EFR3A: variants seen among roughly 807,000 people sequenced by gnomAD.
The protein encoded by EFR3A is EFR3 homolog A, also known as protein EFR3 homolog A.
EFR3A carries 76 observed loss-of-function variants against 104.4 expected under a neutral mutation model. That is an observed-to-expected ratio of 0.73 (90% confidence interval 0.60 to 0.88). EFR3A has a LOEUF of 0.88. EFR3A is among the 40% of genes least tolerant of loss of function. EFR3A has a pLI of 0.00. For missense variants in EFR3A, 985 were observed against 1,012.5 expected (o/e 0.97, Z 0.37); for synonymous variants, 330 against 330.0 (o/e 1.00, Z 0.00).
At chr8:131,975,978 G>A in intron 10 of EFR3A, 49 bp from the exon 11 acceptor site, 1 of 1,182,576 alleles carries the variant, frequency 8.5e-7, no homozygotes, top group East Asian at 2.5e-5. Flanking sequence ...GTATTATATG[G>A]AAAAGTAGAC....
intron 10 of EFR3A, among the ~76,000 whole-genome samples, chr8:131,973,853 C>G (rs928666506): frequency 4.6e-5 from 7 of 151,910 alleles, no homozygotes. Flanking sequence ...CTTTTGGTGA[C>G]TTTATCCTTA....
chr8:131,946,458 G>GA, intron 3 of EFR3A, 25 bp from the exon 4 acceptor site: 1 of 1,519,484 alleles, frequency 6.6e-7, no homozygotes, highest in South Asian at 1.3e-5. Context: ...GAAATGCTTT[G>GA]ACATTCTTTT....
intron 4 of EFR3A, among the ~76,000 whole-genome samples, chr8:131,948,505 T>C (rs1275590577): frequency 6.6e-6 from 1 of 152,152 alleles, no homozygotes; most frequent in Admixed American, 6.6e-5. Context: ...ATATTGGGTA[T>C]TTCCAAGTGC....
intron 1 of EFR3A, chr8:131,940,233 G>A (rs16904554): frequency 0.18 from 72,745 of 409,066 alleles, 7,705 homozygotes; most frequent in East Asian, 0.36. Context: ...AAGGGGGCAC[G>A]GATGATGTTT....
At chr8:131,968,260 T>A (rs940238968) in intron 8 of EFR3A, 35 bp from the exon 9 acceptor site, 2 of 1,598,712 alleles carry the variant, frequency 1.3e-6, no homozygotes, top group African/African-American at 1.3e-5. Flanking sequence ...TACATGTACT[T>A]TTTATACATC....
At chr8:131,958,321 C>T (rs575005351) in intron 7 of EFR3A, among the ~76,000 whole-genome samples, 3 of 152,232 alleles carry the variant, frequency 2.0e-5, no homozygotes, top group African/African-American at 7.2e-5. Context: ...AATTATAAGG[C>T]AAACTACCCA....
intron 1 of EFR3A, among the ~76,000 whole-genome samples, chr8:131,925,960 T>C (rs1339668676): frequency 6.6e-6 from 1 of 152,122 alleles, no homozygotes; most frequent in Non-Finnish European, 1.5e-5. Flanking sequence ...TTAATGTTAT[T>C]ATTTTTTTTT....
intron 5 of EFR3A, 66 bp downstream of exon 5, chr8:131,950,156 T>TAC: frequency 7.0e-7 from 1 of 1,437,000 alleles, no homozygotes; most frequent in Non-Finnish European, 9.4e-7. Context: ...GTTCATATGT[T>TAC]ACATAATGAT....
intron 22 of EFR3A, among the ~76,000 whole-genome samples, chr8:132,008,135 A>C (rs6993606): frequency 0.43 from 64,716 of 151,832 alleles, 14,126 homozygotes; most frequent in Middle Eastern, 0.56. Context: ...CTCCAGTAAG[A>C]AAATGAAAAG....
At chr8:131,941,736 A>T (rs141412923) in intron 2 of EFR3A, among the ~76,000 whole-genome samples, 12 of 152,238 alleles carry the variant, frequency 7.9e-5, no homozygotes, top group Admixed American at 6.6e-4. Context: ...TCCGGGAAGC[A>T]TTCACAGAGG....
intron 1 of EFR3A, among the ~76,000 whole-genome samples, chr8:131,916,278 G>C (rs912069428): frequency 6.6e-6 from 1 of 152,240 alleles, no homozygotes; most frequent in African/African-American, 2.4e-5. Context: ...GACTTGGATG[G>C]TGGTTGTAGG....
chr8:131,963,397 C>T lies in EFR3A; in HGVS notation c.855+3734C>T, dbSNP rs1477389679. ...AAAATGATAAAGGGGATATCACCAC[C>T]GATCCCACAGAAATACAAACTACCA... On this transcript the variant is annotated intron_variant, in intron 8 of 22. Transcript: ENST00000254624. Among the ~76,000 whole-genome samples, 11 of 152,046 alleles carry T rather than the reference C, an allele frequency of 7.2e-5. No homozygotes were observed. In the South Asian group the frequency reaches 8.3e-4, roughly 11 times the overall value.
At chr8:131,952,551 C>T in intron 5 of EFR3A, among the ~76,000 whole-genome samples, 1 of 152,112 alleles carries the variant, frequency 6.6e-6, no homozygotes, top group East Asian at 1.9e-4. Flanking sequence ...TGCTCCATGC[C>T]ACCTTGTGCT....
Position 131,968,289 on chromosome 8 carries a change from C to T in EFR3A, c.856-6C>T. 1.2e-6 allele frequency: 2 copies of T among 1,612,686 alleles called. No homozygotes were observed. The highest frequency in any genetic ancestry group is 2.2e-5 in the South Asian group (2 of 90,966). ...ATACATCTTTGTACTGTTTTGTCTC[C>T]TTCAGGCTCAGTATTCTCACCATGT... On this transcript the variant is annotated splice_region_variant and splice_polypyrimidine_tract_variant and intron_variant, in intron 8 of 22. Transcript: ENST00000254624.
chr8:131,979,316 C>G (rs903312124), intron 13 of EFR3A, 30 bp from the exon 14 acceptor site: 6 of 1,422,248 alleles, frequency 4.2e-6, no homozygotes, highest in Non-Finnish European at 5.8e-6. Context: ...GTGTGCTATT[C>G]ATTAAAAATG....
intron 19 of EFR3A, chr8:132,000,828 G>A (rs1821751138): frequency 6.6e-6 from 1 of 152,306 alleles, no homozygotes; most frequent in East Asian, 1.9e-4. Flanking sequence ...ATGAAGCTCA[G>A]TAGCAAAACT....
At chr8:131,982,039 C>T (rs1349581545) in intron 14 of EFR3A, among the ~76,000 whole-genome samples, 3 of 152,038 alleles carry the variant, frequency 2.0e-5, no homozygotes, top group African/African-American at 7.2e-5. Context: ...GGAATTATTA[C>T]TTTAATTATT....
chr8:131,968,232 T>A, intron 8 of EFR3A, 63 bp from the exon 9 acceptor site: 2 of 1,510,508 alleles, frequency 1.3e-6, no homozygotes, highest in Non-Finnish European at 1.8e-6. Context: ...TTTTTTATTC[T>A]TAGGAATTCT....
At chr8:131,950,274 A>T (rs1818633600) in intron 5 of EFR3A, among the ~76,000 whole-genome samples, 184 bp downstream of exon 5, 1 of 152,168 alleles carries the variant, frequency 6.6e-6, no homozygotes, top group Non-Finnish European at 1.5e-5. Context: ...GCTCACTAAA[A>T]TGCGGTCTTT....
Sources: gnomAD v4.1 joint callset for allele counts (sites outside exome capture counted in the v4.1 genomes callset) on GRCh38, gnomAD v4.1.1 for gene constraint, MANE v1.5 for transcripts, NCBI Gene and HGNC (gene_info 2026-07-23, HGNC 2026-07-21) for gene names.